Variants in ZAR1L observed in about 807,000 individuals in gnomAD.
The protein encoded by ZAR1L is protein ZAR1-like.
Under a neutral mutation model 30.0 loss-of-function variants are expected in ZAR1L, and 16 were observed. The observed-to-expected ratio is 0.53, with a 90% CI of 0.36 to 0.81. The LOEUF (loss-of-function observed/expected upper bound fraction) is 0.81. Ranked by LOEUF, ZAR1L falls within the 30% of genes least tolerant of loss-of-function variation. ZAR1L has a pLI of 0.00. For missense variants in ZAR1L, 392 were observed against 417.2 expected (o/e 0.94, Z 0.53); for synonymous variants, 197 against 166.8 (o/e 1.18, Z -1.40).
Position 32,311,585 on chromosome 13 carries a change from C to T in ZAR1L, c.341G>A (p.Ser114Asn), listed in dbSNP as rs1345587031. 6.5e-7 allele frequency: 1 copy of T among 1,542,492 alleles called. No homozygotes were observed. Among genetic ancestry groups the T allele is most frequent in the South Asian group, 1.2e-5 (1 of 83,446 alleles). Residue 114 changes from serine (S) to asparagine (N), a missense_variant, in exon 3 of 6, where the codon AGC becomes AAC. Physicochemically the swap from Ser to Asn is conservative, Grantham distance 46. Transcript: ENST00000533490. Reference protein sequence around the residue: ...QCSLGPRTLSSCSPWDGRDPQ... With the variant: ...QCSLGPRTLSNCSPWDGRDPQ... ...GTCTCTGCCGTCCCAGGGGGAGCAGCTGCTGAGGGTGCGAGGCCCCAGAGA... is the reference window on the plus strand; with the variant it reads ...GTCTCTGCCGTCCCAGGGGGAGCAGTTGCTGAGGGTGCGAGGCCCCAGAGA...
intron 5 of ZAR1L, among the ~76,000 whole-genome samples, chr13:32,305,076 G>A (rs911414941): frequency 1.1e-4 from 16 of 151,952 alleles, no homozygotes; most frequent in Admixed American, 1.3e-4. Flanking sequence ...CTCCCAAAGC[G>A]CTGGGATTAC....
intron 2 of ZAR1L, among the ~76,000 whole-genome samples, chr13:32,313,746 G>A (rs1173558897): frequency 6.6e-6 from 1 of 152,188 alleles, no homozygotes; most frequent in South Asian, 2.1e-4. Flanking sequence ...CACTAGAAGA[G>A]AATAGGTGAG....
In ZAR1L at chr13:32,310,759, C is replaced by G. The variant is rs1203355152; in HGVS notation, c.655-28G>C. The G allele has an allele frequency of 1.1e-5, 16 of 1,459,848 alleles. 1 individual carries two copies. In the South Asian group the frequency reaches 1.2e-4, roughly 11 times the overall value. The allele number at this position is 1,459,848 out of a possible 1,614,324, so 90.4% of individuals were successfully genotyped here. ...GAAAATAAAGAAGAAAAGTACTTTA[C>G]CATCATGCAAGGGGAAAAAAGCCAG... On this transcript the variant is annotated intron_variant, in intron 3 of 5. Coordinates refer to ENST00000533490, the MANE Select transcript of ZAR1L (RefSeq NM_001136571.2).
chr13:32,303,813 AAAGG>A lies in ZAR1L; in HGVS notation c.*62_*65del. 6.7e-7 allele frequency: 1 copy of A among 1,485,366 alleles called. No individual in the cohort carries two copies. The highest frequency in any genetic ancestry group is 9.0e-7 in the Non-Finnish European group (1 of 1,113,242). The allele number at this position is 1,485,366 out of a possible 1,614,324, so 92.0% of individuals were successfully genotyped here. A position where few individuals can be genotyped will look rare whatever the true frequency, so the allele number is the denominator to read the frequency against. The stretch of plus-strand genomic sequence containing the variant: ...TGCCAGGTCAGAGCCAAGTTGCAAA[AAAGG>A]AAGACAGCACAGTAAGTTACAAGAA... On this transcript the variant is annotated 3_prime_UTR_variant, in exon 6 of 6. Transcript: ENST00000533490.
intron 5 of ZAR1L, 122 bp from the exon 6 acceptor site, chr13:32,304,144 AC>A: frequency 9.7e-7 from 1 of 1,032,702 alleles, no homozygotes; most frequent in Non-Finnish European, 1.3e-6. Context: ...TCTGAGTCCT[AC>A]GAGAAGGCCA....
At chr13:32,310,612 C>A in intron 4 of ZAR1L, 27 bp downstream of exon 4, 1 of 1,466,272 alleles carries the variant, frequency 6.8e-7, no homozygotes, top group Non-Finnish European at 9.3e-7. Flanking sequence ...CCCCATCCTC[C>A]TCTCACCTCC....
rs1281431992 is a variant in ZAR1L at position 32,311,525 on chromosome 13, G to A, written c.401C>T (p.Ser134Leu). 3.3e-6 allele frequency: 5 copies of A among 1,536,496 alleles called. No individual in the cohort carries two copies. The highest frequency in any genetic ancestry group is 1.2e-5 in the South Asian group (1 of 83,136). Reference sequence around the variant, plus strand: ...CAAGCCCCTGCGGCCGGTGGCGGGCGAAGTGACCCCACAGGCTGGCAGGGG... The same window carrying A: ...CAAGCCCCTGCGGCCGGTGGCGGGCAAAGTGACCCCACAGGCTGGCAGGGG... ...QEPLPACGVT[S>L]PATGRRGLIR... The change falls in exon 3 of 6, where the codon TCG becomes TTG. Residue 134 changes from serine (S) to leucine (L), a missense_variant. By Grantham distance (145) the Ser-to-Leu change is moderately radical (BLOSUM62 -2). Transcript: ENST00000533490.
chr13:32,312,126 G>T (rs1257026735), intron 2 of ZAR1L, 33 bp from the exon 3 acceptor site: 5 of 601,412 alleles, frequency 8.3e-6, no homozygotes, highest in Non-Finnish European at 1.4e-5. Flanking sequence ...ATCTACAGAT[G>T]TCTAATTGCC....
In ZAR1L at chr13:32,304,037, G is replaced by A. The variant is rs2138683754; in HGVS notation, c.823-15C>T. Reference sequence around the variant, plus strand: ...TTTGAGCAGGTCTTTAGGAAACAAAGAAGAGTTTGGACGCTAAATGATCAG... The same window carrying A: ...TTTGAGCAGGTCTTTAGGAAACAAAAAAGAGTTTGGACGCTAAATGATCAG... On this transcript the variant is annotated splice_polypyrimidine_tract_variant and intron_variant, in intron 5 of 5. Coordinates refer to ENST00000533490, the MANE Select transcript of ZAR1L (RefSeq NM_001136571.2). 6.5e-7 allele frequency: 1 copy of A among 1,548,426 alleles called. No individual in the cohort carries two copies. The highest frequency in any genetic ancestry group is 8.7e-7 in the Non-Finnish European group (1 of 1,146,022).
intron 5 of ZAR1L, among the ~76,000 whole-genome samples, chr13:32,305,646 T>C (rs2072169389): frequency 6.6e-6 from 1 of 152,230 alleles, no homozygotes; most frequent in Admixed American, 6.5e-5. Flanking sequence ...AAAGAAAGGC[T>C]CAATAAAATA....
At chr13:32,308,644 G>A in intron 5 of ZAR1L, 42 bp downstream of exon 5, 3 of 1,400,988 alleles carry the variant, frequency 2.1e-6, no homozygotes, top group Non-Finnish European at 3.0e-6. Flanking sequence ...CTTCATTTTA[G>A]TAATGAAACA....
Position 32,303,930 on chromosome 13 carries a change from T to A in ZAR1L, c.915A>T (p.Lys305Asn). The A allele has an allele frequency of 6.4e-7, 1 of 1,551,872 alleles. No individual in the cohort carries two copies. The highest frequency in any genetic ancestry group is 8.7e-7 in the Non-Finnish European group (1 of 1,147,034). The change falls in exon 6 of 6, where the codon AAA (lysine) becomes AAT (asparagine). Residue 305 changes from lysine (K) to asparagine (N), a missense_variant. Physicochemically the swap from Lys to Asn is moderately conservative, Grantham distance 94. Transcript: ENST00000533490. ...PHRQELCGRCKDKRFSCGNIY... is the reference protein window; with the variant it reads ...PHRQELCGRCNDKRFSCGNIY... ...TATTGCCACAGGAGAATCTCTTGTCTTTGCAGCGACCACACAGTTCCTGTC... is the reference window on the plus strand; with the variant it reads ...TATTGCCACAGGAGAATCTCTTGTCATTGCAGCGACCACACAGTTCCTGTC...
chr13:32,307,992 G>GGGGT (rs1406737809), intron 5 of ZAR1L, among the ~76,000 whole-genome samples: 1 of 151,990 alleles, frequency 6.6e-6, no homozygotes, highest in Non-Finnish European at 1.5e-5. Flanking sequence ...TAATAGAGAC[G>GGGGT]GGGTTTCACT....
At chr13:32,312,115 T>C (rs2072218472) in intron 2 of ZAR1L, 22 bp from the exon 3 acceptor site, 1 of 657,580 alleles carries the variant, frequency 1.5e-6, no homozygotes, top group East Asian at 3.0e-5. Flanking sequence ...AGAGAAGCTC[T>C]ATCTACAGAT....
chr13:32,313,992 T>G (rs1050906087), intron 2 of ZAR1L, among the ~76,000 whole-genome samples: 5 of 152,222 alleles, frequency 3.3e-5, no homozygotes, highest in African/African-American at 1.2e-4. Context: ...GTTAAGTGTA[T>G]GAAGTCAAAT....
At position 32,311,729 on chromosome 13, in the gene ZAR1L, G is replaced by C; in HGVS notation, c.197C>G (p.Ala66Gly). Residue 66 changes from alanine (A) to glycine (G), a missense_variant, in exon 3 of 6, where the codon GCG becomes GGG. Transcript: ENST00000533490. Reference protein sequence around the residue: ...PDYCIDPYKRAQLKAILSQMN... With the variant: ...PDYCIDPYKRGQLKAILSQMN... ...CTGGGAGAGAATGGCCTTAAGCTGC[G>C]CCCTCTTGTAAGGGTCAATGCAGTA... 1 of 1,551,732 alleles carries C rather than the reference G, an allele frequency of 6.4e-7. No homozygotes were observed.
At chr13:32,312,773 G>A (rs2072223906) in intron 2 of ZAR1L, among the ~76,000 whole-genome samples, 1 of 152,150 alleles carries the variant, frequency 6.6e-6, no homozygotes, top group Admixed American at 6.5e-5. Context: ...AGCTACTCGG[G>A]AGGCTGAGGC....
chr13:32,307,151 T>C (rs2072181853), intron 5 of ZAR1L, among the ~76,000 whole-genome samples: 1 of 151,904 alleles, frequency 6.6e-6, no homozygotes, highest in Non-Finnish European at 1.5e-5. Context: ...AAGTATACAA[T>C]AATAGCATAT....
intron 3 of ZAR1L, 100 bp from the exon 4 acceptor site, chr13:32,310,831 A>T: frequency 1.3e-6 from 1 of 763,160 alleles, no homozygotes; most frequent in South Asian, 1.5e-5. Flanking sequence ...GACTTCTTTA[A>T]CCTCACTTGT....
Sources: gnomAD v4.1 joint callset for allele counts (sites outside exome capture counted in the v4.1 genomes callset) on GRCh38, gnomAD v4.1.1 for gene constraint, MANE v1.5 for transcripts, NCBI Gene and HGNC (gene_info 2026-07-23, HGNC 2026-07-21) for gene names.